The following SUCLA2 variants were observed in gnomAD, a reference collection of about 807,000 sequenced individuals.
SUCLA2 encodes succinate-CoA ligase ADP-forming subunit beta, also known as succinate--CoA ligase [ADP-forming] subunit beta, mitochondrial.
Under a neutral mutation model 54.8 loss-of-function variants are expected in SUCLA2, and 30 were observed. The observed-to-expected ratio is 0.55, with a 90% CI of 0.41 to 0.74. The LOEUF (loss-of-function observed/expected upper bound fraction) is 0.74, where lower values mean the gene tolerates loss of function less well. Among genes scored for constraint, SUCLA2 ranks in the 30% least tolerant of loss-of-function variants. SUCLA2 has a pLI of 0.00. For missense variants in SUCLA2, 476 were observed against 562.9 expected, an observed-to-expected ratio of 0.85 and a Z score of 1.56; for synonymous variants, 172 against 188.9, an observed-to-expected ratio of 0.91 and a Z score of 0.74.
At chr13:47,979,302 T>C (rs1237781576) in intron 4 of SUCLA2, among the ~76,000 whole-genome samples, 2 of 152,176 alleles carry the variant, frequency 1.3e-5, no homozygotes, top group Non-Finnish European at 2.9e-5. Context: ...TGGAATACTA[T>C]GCAGCCATAA....
At chr13:47,962,300 T>C (rs1230500620) in intron 6 of SUCLA2, among the ~76,000 whole-genome samples, 1 of 152,222 alleles carries the variant, frequency 6.6e-6, no homozygotes, top group Non-Finnish European at 1.5e-5. Flanking sequence ...TGAATATTCT[T>C]AATTCATGGA....
At chr13:47,948,795 A>G in intron 10 of SUCLA2, 145 bp downstream of exon 10, 1 of 807,108 alleles carries the variant, frequency 1.2e-6, no homozygotes. Context: ...ATCTTTCAGC[A>G]AGAGTCATGA....
At chr13:47,964,178 A>G (rs781426487) in intron 6 of SUCLA2, among the ~76,000 whole-genome samples, 5 of 152,354 alleles carry the variant, frequency 3.3e-5, no homozygotes, top group Non-Finnish European at 7.3e-5. Flanking sequence ...CCTCAAAGGC[A>G]TTATGTATAG....
chr13:47,954,696 A>G, intron 6 of SUCLA2, 139 bp from the exon 7 acceptor site: 1 of 978,682 alleles, frequency 1.0e-6, no homozygotes, highest in Middle Eastern at 2.3e-4. Context: ...ATTTATGTTC[A>G]CTATGAATTC....
At chr13:47,998,136 G>A (rs1454845683) in intron 1 of SUCLA2, among the ~76,000 whole-genome samples, 2 of 151,970 alleles carry the variant, frequency 1.3e-5, no homozygotes, top group Non-Finnish European at 2.9e-5. Context: ...ACCAAGCTGG[G>A]CACAGTGGCT....
At chr13:47,987,739 C>G (rs1014109218) in intron 4 of SUCLA2, 10 of 151,948 alleles carry the variant, frequency 6.6e-5, no homozygotes, top group African/African-American at 2.2e-4. Context: ...ATTTTCATGA[C>G]TCTTAAAATT....
chr13:47,956,261 A>C (rs1949820770), intron 6 of SUCLA2, among the ~76,000 whole-genome samples: 1 of 152,230 alleles, frequency 6.6e-6, no homozygotes, highest in African/African-American at 2.4e-5. Flanking sequence ...CCAGAACTAA[A>C]AAGTATAATA....
At chr13:47,970,081 G>A (rs1349331465) in intron 5 of SUCLA2, among the ~76,000 whole-genome samples, 35 of 147,008 alleles carry the variant, frequency 2.4e-4, no homozygotes, top group African/African-American at 7.8e-4. Context: ...CTGCCTGGGC[G>A]ACAGAGTGAG....
Position 47,949,527 on chromosome 13 carries a change from A to G in SUCLA2, c.1184T>C (p.Val395Ala). Reference sequence around the variant, plus strand: ...AGGTATTTTAATTTCCAAGTCTTTTACTGCCATGACTATACCCTGTGCAAT... The same window carrying G: ...AGGTATTTTAATTTCCAAGTCTTTTGCTGCCATGACTATACCCTGTGCAAT... ...DVIAQGIVMA[V>A]KDLEIKIPVV... Residue 395 changes from valine (V) to alanine (A), a missense_variant, in exon 9 of 11, where the codon GTA becomes GCA. By Grantham distance (64) the Val-to-Ala change is moderately conservative. This residue lies in a region of SUCLA2 where 342 missense variants were observed against 444.2 expected (regional missense o/e 0.77). Transcript: ENST00000646932. 1.2e-6 allele frequency: 2 copies of G among 1,613,668 alleles called. No individual in the cohort carries two copies. The highest frequency in any genetic ancestry group is 1.7e-6 in the Non-Finnish European group (2 of 1,179,712).
At chr13:48,001,013 C>T in intron 1 of SUCLA2, 167 bp downstream of exon 1, 1 of 1,466,356 alleles carries the variant, frequency 6.8e-7, no homozygotes, top group Non-Finnish European at 9.1e-7. Context: ...TGGGCTCGCT[C>T]GTAGTCCTGG....
intron 6 of SUCLA2, among the ~76,000 whole-genome samples, chr13:47,955,866 T>C (rs1949816590): frequency 6.6e-6 from 1 of 152,110 alleles, no homozygotes; most frequent in South Asian, 2.1e-4. Context: ...AGATACAGGG[T>C]TGAAAGAAGC....
At chr13:47,992,388 C>CAAAAAAAA (rs35103136) in intron 2 of SUCLA2, among the ~76,000 whole-genome samples, 1 of 93,086 alleles carries the variant, frequency 1.1e-5, no homozygotes, top group Admixed American at 1.3e-4. Flanking sequence ...ACAACGAAAG[C>CAAAAAAAA]AAAAAAAAAA....
chr13:47,961,664 ATGT>A (rs1029857954), intron 6 of SUCLA2, among the ~76,000 whole-genome samples: 1 of 152,160 alleles, frequency 6.6e-6, no homozygotes, highest in African/African-American at 2.4e-5. Flanking sequence ...TTATTTAGAT[ATGT>A]TGTTAATATG....
intron 6 of SUCLA2, among the ~76,000 whole-genome samples, chr13:47,968,150 G>A (rs1949934399): frequency 6.6e-6 from 1 of 152,138 alleles, no homozygotes; most frequent in Non-Finnish European, 1.5e-5. Context: ...CACTAACCCA[G>A]CACTGCCCAA....
intron 5 of SUCLA2, among the ~76,000 whole-genome samples, chr13:47,969,159 G>A (rs941161960): frequency 6.6e-6 from 1 of 152,146 alleles, no homozygotes; most frequent in Non-Finnish European, 1.5e-5. Flanking sequence ...ATCACTTGAG[G>A]CCAGGAGTTA....
At chr13:47,993,210 T>C (rs1950163077) in intron 2 of SUCLA2, among the ~76,000 whole-genome samples, 1 of 152,100 alleles carries the variant, frequency 6.6e-6, no homozygotes, top group African/African-American at 2.4e-5. Flanking sequence ...CCAGCCTGGG[T>C]GACAGAACAA....
At chr13:47,965,494 TAAAAAA>T in intron 6 of SUCLA2, 1 of 310,488 alleles carries the variant, frequency 3.2e-6, no homozygotes, top group Non-Finnish European at 5.6e-6. Flanking sequence ...ACCCCTTCTT[TAAAAAA>T]AAAAAAACAA....
chr13:47,973,777 A>G (rs1305847898), intron 4 of SUCLA2, among the ~76,000 whole-genome samples: 1 of 152,190 alleles, frequency 6.6e-6, no homozygotes, highest in Admixed American at 6.6e-5. Flanking sequence ...GAATGTGTTC[A>G]TGTCCTTTGC....
intron 4 of SUCLA2, among the ~76,000 whole-genome samples, chr13:47,976,017 C>G (rs1950009175): frequency 6.6e-6 from 1 of 152,130 alleles, no homozygotes; most frequent in East Asian, 1.9e-4. Context: ...GAAGCCAACG[C>G]AGGAGGACTG....
Sources: gnomAD v4.1 joint callset for allele counts (sites outside exome capture counted in the v4.1 genomes callset) on GRCh38, gnomAD v4.1.1 for gene constraint, gnomAD v4.1.1 regional missense constraint, MANE v1.5 for transcripts, NCBI Gene and HGNC (gene_info 2026-07-23, HGNC 2026-07-21) for gene names.